The following GRIK2 variants were observed in gnomAD, a reference collection of about 807,000 sequenced individuals.
The protein encoded by GRIK2 is glutamate receptor ionotropic, kainate 2.
A neutral mutation model predicts 100.3 loss-of-function variants in GRIK2; 32 were observed. The ratio of observed to expected loss-of-function variants is 0.32; its 90% CI spans 0.24 to 0.43. The LOEUF (loss-of-function observed/expected upper bound fraction) is 0.43. Ranked by LOEUF, GRIK2 falls within the 20% of genes least tolerant of loss-of-function variation. GRIK2 has a pLI of 1.00. For missense variants in GRIK2, 843 were observed against 1,114.9 expected, an observed-to-expected ratio of 0.76 and a Z score of 3.47; for synonymous variants, 417 against 389.4, an observed-to-expected ratio of 1.07 and a Z score of -0.83.
intron 2 of GRIK2, among the ~76,000 whole-genome samples, chr6:101,460,358 C>T (rs1471860882): frequency 2.6e-5 from 4 of 152,192 alleles, no homozygotes; most frequent in African/African-American, 4.8e-5. Flanking sequence ...CAGTGTACCA[C>T]ATTCTGATAA....
intron 2 of GRIK2, among the ~76,000 whole-genome samples, chr6:101,561,962 A>T (rs546685981): frequency 6.6e-6 from 1 of 152,168 alleles, no homozygotes; most frequent in Admixed American, 6.6e-5. Flanking sequence ...GGTCATCCTT[A>T]TAAAAGGATG....
chr6:101,710,546 A>G (rs978445388), intron 7 of GRIK2, among the ~76,000 whole-genome samples: 25 of 151,832 alleles, frequency 1.6e-4, no homozygotes, highest in Admixed American at 1.4e-3. Context: ...TTTTGTAAAT[A>G]TTTTTGTCAT....
At chr6:101,413,693 CTTA>C (rs139508374) in intron 2 of GRIK2, among the ~76,000 whole-genome samples, 2,173 of 152,062 alleles carry the variant, frequency 0.014, 49 homozygotes, top group African/African-American at 0.05. Flanking sequence ...AATTCAATTT[CTTA>C]TTATAATTGA....
chr6:101,407,400 A>G (rs1297922852), intron 2 of GRIK2, among the ~76,000 whole-genome samples: 2 of 152,136 alleles, frequency 1.3e-5, no homozygotes, highest in Middle Eastern at 3.2e-3. Context: ...GTCAGATTTT[A>G]TACCAAAACA....
chr6:101,602,348 C>A (rs950195365), intron 2 of GRIK2, among the ~76,000 whole-genome samples: 1 of 151,176 alleles, frequency 6.6e-6, no homozygotes, highest in Non-Finnish European at 1.5e-5. Flanking sequence ...TGTGACCAAG[C>A]ATGTGTTTGG....
intron 7 of GRIK2, among the ~76,000 whole-genome samples, chr6:101,784,127 T>C (rs1779276327): frequency 6.6e-6 from 1 of 152,130 alleles, no homozygotes; most frequent in Non-Finnish European, 1.5e-5. Context: ...GGGGAAAATG[T>C]CTCTAAGGCA....
chr6:101,421,782 C>G (rs900063768), intron 2 of GRIK2, among the ~76,000 whole-genome samples: 5 of 152,158 alleles, frequency 3.3e-5, no homozygotes, highest in Admixed American at 3.3e-4. Context: ...GAATAAACAT[C>G]TGTTGTATGA....
At position 101,455,773 on chromosome 6, in the gene GRIK2, A is replaced by G. The variant is rs58754913; in HGVS notation, c.115+56381A>G. On this transcript the variant is annotated intron_variant, in intron 2 of 16. Coordinates refer to ENST00000369134, the MANE Select transcript of GRIK2 (RefSeq NM_021956.5). ...TTGAGTCTCTATTTAAATATGTTAC[A>G]GATTTAGTAATCAGGTTTAGTAGGA... Among the ~76,000 whole-genome samples, 412 of 152,278 alleles carry G rather than the reference A, an allele frequency of 2.7e-3. 12 individuals are homozygous for G. The East Asian group carries it at 0.066, about 24-fold the overall frequency.
At chr6:101,414,811 C>G (rs970453551) in intron 2 of GRIK2, among the ~76,000 whole-genome samples, 1 of 152,116 alleles carries the variant, frequency 6.6e-6, no homozygotes, top group African/African-American at 2.4e-5. Context: ...GGAAAATGTA[C>G]CCAGCTGAAA....
At chr6:101,743,988 G>A (rs1776214887) in intron 7 of GRIK2, among the ~76,000 whole-genome samples, 1 of 151,964 alleles carries the variant, frequency 6.6e-6, no homozygotes, top group African/African-American at 2.4e-5. Flanking sequence ...TGTTGCCCAG[G>A]CTGGAGTGCA....
chr6:101,799,603 T>G, intron 7 of GRIK2, 45 bp from the exon 8 acceptor site: 1 of 1,528,252 alleles, frequency 6.5e-7, no homozygotes, highest in Non-Finnish European at 9.1e-7. Flanking sequence ...CCACAAGTTC[T>G]ACAAGTTATA....
chr6:101,640,778 G>T (rs1781244501), intron 4 of GRIK2, among the ~76,000 whole-genome samples: 1 of 152,018 alleles, frequency 6.6e-6, no homozygotes, highest in African/African-American at 2.4e-5. Flanking sequence ...TAATCGTGAT[G>T]CCATTAGTTT....
In GRIK2 at chr6:102,068,789, T is replaced by C. The variant is rs1772137823; in HGVS notation, c.*278T>C. Reference sequence around the variant, plus strand: ...TAACATGCGCATTTTGTGGCTGATTTCAAATGCAGTCCAGTGAGAAATTAC... The same window carrying C: ...TAACATGCGCATTTTGTGGCTGATTCCAAATGCAGTCCAGTGAGAAATTAC... On this transcript the variant is annotated 3_prime_UTR_variant, in exon 17 of 17. Transcript: ENST00000369134. 4.1e-6 allele frequency: 1 copy of C among 242,354 alleles called. No individual in the cohort carries two copies. The highest frequency in any genetic ancestry group is 8.0e-6 in the Non-Finnish European group (1 of 125,320). 15.0% of individuals were successfully genotyped at this position (242,354 alleles called of 1,614,324 possible). A position where few individuals can be genotyped will look rare whatever the true frequency, so the allele number is the denominator to read the frequency against.
intron 12 of GRIK2, among the ~76,000 whole-genome samples, chr6:101,909,233 GA>G (rs1308374021): frequency 6.7e-6 from 1 of 150,330 alleles, no homozygotes; most frequent in Admixed American, 6.7e-5. Flanking sequence ...CACCAAATAA[GA>G]AAAAAATATA....
intron 4 of GRIK2, among the ~76,000 whole-genome samples, chr6:101,636,850 T>G (rs148379676): frequency 1.4e-3 from 208 of 152,282 alleles, no homozygotes; most frequent in African/African-American, 4.8e-3. Context: ...CATATTGGCA[T>G]GCACATTTTT....
chr6:101,813,962 C>CAA (rs60375013), intron 9 of GRIK2, among the ~76,000 whole-genome samples: 70 of 123,042 alleles, frequency 5.7e-4, no homozygotes, highest in African/African-American at 1.5e-3. Flanking sequence ...AGCTCCATCT[C>CAA]AAAAAAAAAA....
intron 7 of GRIK2, among the ~76,000 whole-genome samples, chr6:101,750,373 C>T (rs1583070706): frequency 6.6e-6 from 1 of 152,068 alleles, no homozygotes. Context: ...TGTGATGTGT[C>T]CATGATGCTT....
chr6:102,022,963 C>A (rs995538879), intron 14 of GRIK2, among the ~76,000 whole-genome samples: 2 of 151,436 alleles, frequency 1.3e-5, no homozygotes, highest in Admixed American at 1.3e-4. Context: ...GAAAATCATC[C>A]TGTCTCAGTG....
At chr6:102,036,492 C>T (rs944762098) in intron 15 of GRIK2, among the ~76,000 whole-genome samples, 1 of 150,938 alleles carries the variant, frequency 6.6e-6, no homozygotes, top group African/African-American at 2.4e-5. Flanking sequence ...CAGGTGCGTC[C>T]AATGTAATCA....
Sources: gnomAD v4.1 joint callset for allele counts (sites outside exome capture counted in the v4.1 genomes callset) on GRCh38, gnomAD v4.1.1 for gene constraint, MANE v1.5 for transcripts, NCBI Gene and HGNC (gene_info 2026-07-23, HGNC 2026-07-21) for gene names.